The following MYT1L variants were observed in gnomAD, a reference collection of about 807,000 sequenced individuals.
MYT1L encodes the protein myelin transcription factor 1-like protein.
A neutral mutation model predicts 126.7 loss-of-function variants in MYT1L; 12 were observed. That is an observed-to-expected ratio of 0.09 (90% CI 0.06 to 0.15). MYT1L has a LOEUF of 0.15. MYT1L is among the 10% of genes least tolerant of loss of function. The pLI, the probability that MYT1L is intolerant of heterozygous loss-of-function variation, is 1.00. For synonymous variants in MYT1L, 541 were observed against 604.2 expected (o/e 0.90, Z 1.53); for missense variants, 979 against 1,585.2 (o/e 0.62, Z 6.49).
intron 21 of MYT1L, among the ~76,000 whole-genome samples, chr2:1,826,685 C>T (rs974649619): frequency 6.6e-6 from 1 of 152,110 alleles, no homozygotes; most frequent in South Asian, 2.1e-4. Flanking sequence ...AGTGCAGGGC[C>T]GGCGTCGGGG....
chr2:2,271,090 C>T (rs1209035195), intron 2 of MYT1L, among the ~76,000 whole-genome samples: 2 of 152,210 alleles, frequency 1.3e-5, no homozygotes, highest in Non-Finnish European at 2.9e-5. Flanking sequence ...TACGGATTCT[C>T]ACCATGAATC....
chr2:1,829,091 T>C, intron 21 of MYT1L, among the ~76,000 whole-genome samples: 1 of 152,080 alleles, frequency 6.6e-6, no homozygotes, highest in Non-Finnish European at 1.5e-5. Context: ...CCTCCCTGCA[T>C]CTACTGGCTG....
intron 10 of MYT1L, among the ~76,000 whole-genome samples, chr2:1,918,809 T>A (rs1381081255): frequency 6.6e-6 from 1 of 152,230 alleles, no homozygotes; most frequent in Non-Finnish European, 1.5e-5. Flanking sequence ...TCTAAAATTA[T>A]GTGGTTGTGG....
At chr2:2,145,402 C>T (rs1053737636) in intron 3 of MYT1L, among the ~76,000 whole-genome samples, 7 of 152,168 alleles carry the variant, frequency 4.6e-5, no homozygotes, top group African/African-American at 1.4e-4. Context: ...ACCTAAGTGG[C>T]ACTACAGATA....
chr2:1,803,040 T>C (rs748219946), intron 22 of MYT1L, among the ~76,000 whole-genome samples: 41 of 152,072 alleles, frequency 2.7e-4, no homozygotes, highest in Non-Finnish European at 4.6e-4. Flanking sequence ...CCTGCTGACA[T>C]CAGCAGAACA....
intron 18 of MYT1L, among the ~76,000 whole-genome samples, chr2:1,875,100 G>A (rs1379987306): frequency 3.3e-5 from 5 of 152,210 alleles, no homozygotes; most frequent in African/African-American, 9.6e-5. Flanking sequence ...GCTGAGGGGC[G>A]CCATCAGGGA....
intron 1 of MYT1L, among the ~76,000 whole-genome samples, chr2:2,288,296 C>T (rs180778554): frequency 6.6e-6 from 1 of 152,176 alleles, no homozygotes; most frequent in Non-Finnish European, 1.5e-5. Flanking sequence ...CCCTGATCAT[C>T]TAATTTCTCA....
chr2:1,948,322 G>T (rs1468127887), intron 8 of MYT1L, among the ~76,000 whole-genome samples: 1 of 152,166 alleles, frequency 6.6e-6, no homozygotes, highest in Non-Finnish European at 1.5e-5. Flanking sequence ...CGTGAATACA[G>T]TCGTATCCCC....
intron 1 of MYT1L, among the ~76,000 whole-genome samples, chr2:2,305,291 G>A (rs1161320429): frequency 1.3e-5 from 2 of 152,096 alleles, no homozygotes; most frequent in East Asian, 1.9e-4. Context: ...TTTCACAGTG[G>A]AATATATTGG....
At chr2:2,001,237 C>CT (rs11389323) in intron 4 of MYT1L, among the ~76,000 whole-genome samples, 39,791 of 103,490 alleles carry the variant, frequency 0.38, 7,959 homozygotes, top group African/African-American at 0.61. Flanking sequence ...TTGGTTTTAG[C>CT]TTTTTTTTTT....
chr2:1,968,736 G>A (rs73910763), intron 8 of MYT1L, among the ~76,000 whole-genome samples: 2,531 of 152,232 alleles, frequency 0.017, 82 homozygotes, highest in African/African-American at 0.057. Context: ...TCTCTGGGTC[G>A]CCTTTGTGGT....
rs991369458 is a variant in MYT1L at position 1,979,278 on chromosome 2, C to T, written c.90-51G>A. 12 of 1,530,906 alleles carry T rather than the reference C, an allele frequency of 7.8e-6. No individual in the cohort carries two copies. The highest frequency in any genetic ancestry group is 4.5e-5 in the East Asian group (2 of 44,272). The allele number at this position is 1,530,906 out of a possible 1,614,324, so 94.8% of individuals were successfully genotyped here. On this transcript the variant is annotated intron_variant, in intron 7 of 24. Coordinates refer to ENST00000647738, the MANE Select transcript of MYT1L (RefSeq NM_001303052.2). This position sits in a 1 kb window ranked among gnomAD's most constrained non-coding sequence, Gnocchi z 4.0. ...CGGTGCCGCAGGCAGGCAGGTGAGACGGAAAGCTTCCGTGGCAGCAGAGAG... is the reference window on the plus strand; with the variant it reads ...CGGTGCCGCAGGCAGGCAGGTGAGATGGAAAGCTTCCGTGGCAGCAGAGAG...
At chr2:2,004,210 T>TCTTCTTTCCTGCAGGC (rs1558696949) in intron 4 of MYT1L, among the ~76,000 whole-genome samples, 1 of 48,434 alleles carries the variant, frequency 2.1e-5, no homozygotes, top group Non-Finnish European at 4.0e-5. Context: ...TTCCTGAATG[T>TCTTCTTTCCTGCAGGC]GTTCTTTCCT....
At chr2:1,822,958 TGTTAAC>T (rs2038769053) in intron 21 of MYT1L, among the ~76,000 whole-genome samples, 1 of 152,194 alleles carries the variant, frequency 6.6e-6, no homozygotes, top group Non-Finnish European at 1.5e-5. Flanking sequence ...GAGCCTCGGT[TGTTAAC>T]GTTATCACTG....
chr2:1,998,047 T>C (rs1043540669), intron 4 of MYT1L, among the ~76,000 whole-genome samples: 7 of 152,118 alleles, frequency 4.6e-5, no homozygotes, highest in African/African-American at 1.7e-4. Context: ...CTTCCCACCA[T>C]GAATTAAGGC....
At chr2:2,131,988 A>G (rs538811515) in intron 3 of MYT1L, among the ~76,000 whole-genome samples, 1 of 144,256 alleles carries the variant, frequency 6.9e-6, no homozygotes, top group South Asian at 2.2e-4. Context: ...GGCTCACTGC[A>G]ACCTCCAACT....
At chr2:2,010,867 G>A (rs549464560) in intron 4 of MYT1L, among the ~76,000 whole-genome samples, 103 of 152,264 alleles carry the variant, frequency 6.8e-4, no homozygotes, top group African/African-American at 2.3e-3. Flanking sequence ...TAACTCACGC[G>A]TCTACTGTCA....
chr2:2,254,832 G>A (rs1487922749), intron 2 of MYT1L, among the ~76,000 whole-genome samples: 1 of 152,038 alleles, frequency 6.6e-6, no homozygotes, highest in Non-Finnish European at 1.5e-5. Flanking sequence ...TCCTCCAACT[G>A]ATCTACCATA....
At chr2:2,175,410 C>T (rs531822433) in intron 2 of MYT1L, among the ~76,000 whole-genome samples, 230 of 152,174 alleles carry the variant, frequency 1.5e-3, no homozygotes, top group Non-Finnish European at 2.8e-3. Flanking sequence ...CTGAATCACA[C>T]CTGTAGGATT....
Sources: allele counts gnomAD v4.1 joint callset (sites outside exome capture counted in the v4.1 genomes callset), GRCh38; gene constraint gnomAD v4.1.1; non-coding constraint Gnocchi (gnomAD v3.1); transcripts MANE v1.5; gene names NCBI Gene and HGNC (gene_info 2026-07-23, HGNC 2026-07-21).